The following PELI3 variants were observed in gnomAD, a reference collection of about 807,000 sequenced individuals.
The protein encoded by PELI3 is pellino E3 ubiquitin protein ligase family member 3, also known as E3 ubiquitin-protein ligase pellino homolog 3.
PELI3 carries 19 observed loss-of-function variants against 35.5 expected under a neutral mutation model. That is an observed-to-expected ratio of 0.54 (90% CI 0.37 to 0.79). The LOEUF (loss-of-function observed/expected upper bound fraction) is 0.79. Ranked by LOEUF, PELI3 falls within the 30% of genes least tolerant of loss-of-function variation. The probability of loss-of-function intolerance (pLI) is 0.00; values close to 1 mark genes in which losing one functional copy is unlikely to be tolerated. For missense variants in PELI3, 490 were observed against 661.2 expected, an observed-to-expected ratio of 0.74 and a Z score of 2.84; for synonymous variants, 262 against 279.2, an observed-to-expected ratio of 0.94 and a Z score of 0.62.
intron 7 of PELI3, 164 bp downstream of exon 7, chr11:66,474,089 C>T (rs1298451626): frequency 3.4e-6 from 3 of 887,622 alleles, no homozygotes; most frequent in Non-Finnish European, 5.4e-6. Context: ...TAGCATGAGC[C>T]ACTTGTCCCA....
chr11:66,466,997 C>A lies in PELI3; in HGVS notation c.-32C>A, dbSNP rs544968300. 6.7e-6 allele frequency: 1 copy of A among 149,564 alleles called. No homozygotes were observed. The highest frequency in any genetic ancestry group is 2.0e-4 in the East Asian group (1 of 5,086). The allele number at this position is 149,564 out of a possible 1,614,324, so 9.3% of individuals were successfully genotyped here. On this transcript the variant is annotated 5_prime_UTR_variant, in exon 1 of 8. Coordinates refer to ENST00000320740, the MANE Select transcript of PELI3 (RefSeq NM_145065.3). Reference sequence around the variant, plus strand: ...GAGCAGGGGCTAGGCGGGGAGGGAGCGGCGCCCAGCGGGGCCCGGAGCGTG... The same window carrying A: ...GAGCAGGGGCTAGGCGGGGAGGGAGAGGCGCCCAGCGGGGCCCGGAGCGTG...
At chr11:66,474,122 T>C (rs1854820308) in intron 7 of PELI3, 197 bp downstream of exon 7, 1 of 744,964 alleles carries the variant, frequency 1.3e-6, no homozygotes, top group East Asian at 2.7e-5. Flanking sequence ...CAGACCAGGG[T>C]CCCCAAGCAT....
Position 66,468,917 on chromosome 11 carries a change from G to C in PELI3, c.224+13G>C, listed in dbSNP as rs778685318. ...GGGCACACAGCTGGTAAGTGGCAGG[G>C]CTGGGATTTGGACCCAGGTCTTTCT... On this transcript the variant is annotated intron_variant, in intron 3 of 7. Coordinates refer to ENST00000320740, the MANE Select transcript of PELI3 (RefSeq NM_145065.3). 16 of 751,190 alleles carry C rather than the reference G, an allele frequency of 2.1e-5. No individual in the cohort carries two copies. Among genetic ancestry groups the C allele is most frequent in the Non-Finnish European group, 4.0e-5 (16 of 402,162 alleles). 46.5% of individuals were successfully genotyped at this position (751,190 alleles called of 1,614,324 possible).
intron 3 of PELI3, among the ~76,000 whole-genome samples, chr11:66,469,789 C>CTGTTT (rs1854651449): frequency 9.0e-6 from 1 of 110,892 alleles, no homozygotes; most frequent in Non-Finnish European, 1.9e-5. Context: ...ACCAGGGAAT[C>CTGTTT]TGTTTTTTTT....
chr11:66,472,899 T>C (rs1396166495), intron 5 of PELI3, among the ~76,000 whole-genome samples: 2 of 152,254 alleles, frequency 1.3e-5, no homozygotes, highest in Non-Finnish European at 2.9e-5. Context: ...GGCTGGCATA[T>C]AGCAAATAGT....
In PELI3 at chr11:66,473,811, C is replaced by G. The variant is rs1245510891; in HGVS notation, c.726C>G (p.His242Gln). The G allele has an allele frequency of 2.5e-6, 4 of 1,613,918 alleles. No individual in the cohort carries two copies. The highest frequency in any genetic ancestry group is 1.1e-5 in the South Asian group (1 of 91,090). Residue 242 changes from histidine (H) to glutamine (Q), a missense_variant, in exon 7 of 8, where the codon CAC becomes CAG. His to Gln is a conservative substitution (Grantham distance 24, BLOSUM62 0). Coordinates refer to ENST00000320740, the MANE Select transcript of PELI3 (RefSeq NM_145065.3). This position sits in a 1 kb window ranked among gnomAD's most constrained non-coding sequence, Gnocchi z 5.8. Reference sequence around the variant, plus strand: ...CCACCAATGGAGTCCTGGTGATGCACCCGGCAGGCGGCTTCTCCGAGGACT... The same window carrying G: ...CCACCAATGGAGTCCTGGTGATGCAGCCGGCAGGCGGCTTCTCCGAGGACT... ...GLTTNGVLVMHPAGGFSEDSA... is the reference protein window; with the variant it reads ...GLTTNGVLVMQPAGGFSEDSA...
At chr11:66,469,799 T>G (rs1194619119) in intron 3 of PELI3, among the ~76,000 whole-genome samples, 2 of 143,466 alleles carry the variant, frequency 1.4e-5, no homozygotes, top group African/African-American at 5.2e-5. Flanking sequence ...CTGTTTTTTT[T>G]TTTTGTTTTT....
rs1339477049 is a variant in PELI3 at position 66,467,085 on chromosome 11, G to C, written c.-2+58G>C. ...GCGCCAGGCGGGCCCCGGCGGGCGC[G>C]GGGGGCGTGTTTGCGTGTCTGGGGG... On this transcript the variant is annotated intron_variant, in intron 1 of 7. Transcript: ENST00000320740. This position sits in a 1 kb window ranked among gnomAD's most constrained non-coding sequence, Gnocchi z 4.2. The C allele has an allele frequency of 4.1e-5, 6 of 147,530 alleles. No individual in the cohort carries two copies. The highest frequency in any genetic ancestry group is 9.1e-5 in the Non-Finnish European group (6 of 66,104). The allele number at this position is 147,530 out of a possible 1,614,324, so 9.1% of individuals were successfully genotyped here. A position where few individuals can be genotyped will look rare whatever the true frequency, so the allele number is the denominator to read the frequency against.
rs1456180361 is a variant in PELI3 at position 66,473,362 on chromosome 11, G to A, written c.578G>A (p.Cys193Tyr). The A allele has an allele frequency of 6.2e-7, 1 of 1,613,592 alleles. No individual in the cohort carries two copies. The highest frequency in any genetic ancestry group is 8.5e-7 in the Non-Finnish European group (1 of 1,180,024). ...TCCCGCTATGCCTGCCGCATCCTCT[G>A]TGACCGCCGGCCACCCTATACTGCC... Reference protein sequence around the residue: ...TISRYACRILCDRRPPYTARI... With the variant: ...TISRYACRILYDRRPPYTARI... Residue 193 changes from cysteine (C) to tyrosine (Y), a missense_variant, in exon 6 of 8, where the codon TGT (cysteine) becomes TAT (tyrosine). Physicochemically the swap from Cys to Tyr is radical, Grantham distance 194. Around this residue, in one of 3 missense-constraint regions of PELI3, gnomAD observed 349 missense variants for 484.8 expected, o/e 0.72. Coordinates refer to ENST00000320740, the MANE Select transcript of PELI3 (RefSeq NM_145065.3). The surrounding 1 kb of genome is among the most constrained non-coding windows in gnomAD (Gnocchi z 5.8).
At position 66,471,492 on chromosome 11, in the gene PELI3, C is replaced by T; in HGVS notation, c.354+121C>T. 3.1e-6 allele frequency: 4 copies of T among 1,307,044 alleles called. No individual in the cohort carries two copies. The South Asian group carries it at 5.6e-5, about 18-fold the overall frequency. The allele number at this position is 1,307,044 out of a possible 1,614,324, so 81.0% of individuals were successfully genotyped here. On this transcript the variant is annotated intron_variant, in intron 4 of 7. Coordinates refer to ENST00000320740, the MANE Select transcript of PELI3 (RefSeq NM_145065.3). ...CTTAACAGGGGAGCCCACTTTGTGTCATCACTCACTGCTTATTGGGCCATC... is the reference window on the plus strand; with the variant it reads ...CTTAACAGGGGAGCCCACTTTGTGTTATCACTCACTGCTTATTGGGCCATC...
Position 66,467,104 on chromosome 11 carries a change from C to CT in PELI3, c.-2+78dup, listed in dbSNP as rs1854557280. On this transcript the variant is annotated intron_variant, in intron 1 of 7. Coordinates refer to ENST00000320740, the MANE Select transcript of PELI3 (RefSeq NM_145065.3). The surrounding 1 kb of genome is among the most constrained non-coding windows in gnomAD (Gnocchi z 4.2). The stretch of plus-strand genomic sequence containing the variant: ...GGGCGCGGGGGGCGTGTTTGCGTGT[C>CT]TGGGGGTGGTGGAGGGAGTGGGTCC... 1 of 146,424 alleles carries CT rather than the reference C, an allele frequency of 6.8e-6. No individual in the cohort carries two copies. Among genetic ancestry groups the CT allele is most frequent in the South Asian group, 2.1e-4 (1 of 4,744 alleles). 9.1% of individuals were successfully genotyped at this position (146,424 alleles called of 1,614,324 possible). A position where few individuals can be genotyped will look rare whatever the true frequency, so the allele number is the denominator to read the frequency against.
Position 66,473,703 on chromosome 11 carries a change from G to T in PELI3, c.652-34G>T, listed in dbSNP as rs1225068928. ...GCACATGGCCTGCTGGGGGGCCCCT[G>T]GGGGATGTGATCTGATCCCTCATGT... is the stretch of plus-strand genomic sequence containing the variant. On this transcript the variant is annotated intron_variant, in intron 6 of 7. Transcript: ENST00000320740. The surrounding 1 kb of genome is among the most constrained non-coding windows in gnomAD (Gnocchi z 5.8). 1 of 1,607,036 alleles carries T rather than the reference G, an allele frequency of 6.2e-7. No individual in the cohort carries two copies. Among genetic ancestry groups the T allele is most frequent in the East Asian group, 2.2e-5 (1 of 44,866 alleles).
In PELI3 at chr11:66,476,365, T is replaced by C. The variant is rs935942155; in HGVS notation, c.*198T>C. The C allele has an allele frequency of 6.4e-6, 4 of 625,768 alleles. No individual in the cohort carries two copies. The highest frequency in any genetic ancestry group is 1.1e-5 in the Non-Finnish European group (4 of 362,484). 38.8% of individuals were successfully genotyped at this position (625,768 alleles called of 1,614,324 possible). On this transcript the variant is annotated 3_prime_UTR_variant, in exon 8 of 8. Coordinates refer to ENST00000320740, the MANE Select transcript of PELI3 (RefSeq NM_145065.3). ...AAGATCTCCACCCCAGTCATGCTGATGGGGCCTTCAGCACCAGCTCTGTCC... is the reference window on the plus strand; with the variant it reads ...AAGATCTCCACCCCAGTCATGCTGACGGGGCCTTCAGCACCAGCTCTGTCC...
At position 66,473,724 on chromosome 11, in the gene PELI3, C is replaced by T. The variant is rs780473318; in HGVS notation, c.652-13C>T. 3.1e-6 allele frequency: 5 copies of T among 1,613,156 alleles called. No homozygotes were observed. The East Asian group carries it at 6.7e-5, about 22-fold the overall frequency. On this transcript the variant is annotated splice_polypyrimidine_tract_variant and intron_variant, in intron 6 of 7. Coordinates refer to ENST00000320740, the MANE Select transcript of PELI3 (RefSeq NM_145065.3). This position sits in a 1 kb window ranked among gnomAD's most constrained non-coding sequence, Gnocchi z 5.8. ...CCCTGGGGGATGTGATCTGATCCCT[C>T]ATGTGGTCCCAGGAGCGAGCGGCCA...
intron 4 of PELI3, among the ~76,000 whole-genome samples, 197 bp downstream of exon 4, chr11:66,471,568 T>C (rs994228248): frequency 7.9e-5 from 12 of 152,160 alleles, no homozygotes; most frequent in Non-Finnish European, 1.6e-4. Context: ...CTTTACAGTT[T>C]GCAAAATGTT....
In PELI3 at chr11:66,476,055, C is replaced by T; in HGVS notation, c.1298C>T (p.Thr433Ile). The change falls in exon 8 of 8, where the codon ACA becomes ATA. Residue 433 changes from threonine to isoleucine, a missense_variant. Coordinates refer to ENST00000320740, the MANE Select transcript of PELI3 (RefSeq NM_145065.3). ...AAGACTGCCCGCTACTGGGCCCAGA[C>T]ACCACTGCCCCACGGCACCCATGCT... ...SEKTARYWAQ[T>I]PLPHGTHAFH... 1.2e-6 allele frequency: 2 copies of T among 1,610,822 alleles called. No homozygotes were observed. The highest frequency in any genetic ancestry group is 1.1e-5 in the South Asian group (1 of 90,868).
At chr11:66,466,681 C>A (rs890390123), upstream of PELI3, 5 of 152,270 alleles carry the variant, frequency 3.3e-5, no homozygotes, top group African/African-American at 7.2e-5. Flanking sequence ...GTCCCTCAGA[C>A]GGAGTGGAGA....
rs1854752718 is a variant in PELI3 at position 66,472,350 on chromosome 11, A to G, written c.355-19A>G. Reference sequence around the variant, plus strand: ...TCATGGCTGCACACCCTGGCAAGTGACTTTTTTCTCCCCACCAGGCACTGA... The same window carrying G: ...TCATGGCTGCACACCCTGGCAAGTGGCTTTTTTCTCCCCACCAGGCACTGA... On this transcript the variant is annotated intron_variant, in intron 4 of 7. Coordinates refer to ENST00000320740, the MANE Select transcript of PELI3 (RefSeq NM_145065.3). The G allele has an allele frequency of 6.2e-6, 10 of 1,603,882 alleles. No homozygotes were observed. The highest frequency in any genetic ancestry group is 8.5e-6 in the Non-Finnish European group (10 of 1,171,088).
Position 66,475,657 on chromosome 11 carries a change from A to G in PELI3, c.900A>G (p.Thr300=), listed in dbSNP as rs202171966. 29 of 1,612,584 alleles carry G rather than the reference A, an allele frequency of 1.8e-5. No individual in the cohort carries two copies. The highest frequency in any genetic ancestry group is 6.7e-5 in the East Asian group (3 of 44,878). ...CTCTCATCGACCTGTGTGGGGCCACACTGCTGTGGCGCACACCGGCGGGGC... is the reference window on the plus strand; with the variant it reads ...CTCTCATCGACCTGTGTGGGGCCACGCTGCTGTGGCGCACACCGGCGGGGC... ...DGSLIDLCGA[T]LLWRTPAGLL... The change falls in exon 8 of 8, where the codon ACA becomes ACG. Residue 300 remains threonine, a synonymous_variant. Transcript: ENST00000320740.
Sources: gnomAD v4.1 joint callset for allele counts (sites outside exome capture counted in the v4.1 genomes callset) on GRCh38, gnomAD v4.1.1 for gene constraint, gnomAD v4.1.1 regional missense constraint, Gnocchi (gnomAD v3.1) non-coding constraint, MANE v1.5 for transcripts, NCBI Gene and HGNC (gene_info 2026-07-23, HGNC 2026-07-21) for gene names.